The following PTN variants were observed in gnomAD, a reference collection of about 807,000 sequenced individuals.
PTN encodes the protein heparin affin regulatory protein.
PTN carries 18 observed loss-of-function variants against 24.1 expected under a neutral mutation model. The ratio of observed to expected loss-of-function variants is 0.75; its 90% confidence interval spans 0.52 to 1.11. The LOEUF is 1.11. Ranked by LOEUF, PTN falls within the 50% of genes least tolerant of loss-of-function variation. The pLI is 0.00. For missense variants in PTN, 163 were observed against 198.8 expected (o/e 0.82, Z 1.08); for synonymous variants, 78 against 68.6 (o/e 1.14, Z -0.67).
At chr7:137,229,005 G>A (rs1808383453) in intron 4 of PTN, among the ~76,000 whole-genome samples, 1 of 151,778 alleles carries the variant, frequency 6.6e-6, no homozygotes, top group African/African-American at 2.4e-5. Context: ...ACATCATTAA[G>A]TTACTGTGAG....
intron 4 of PTN, among the ~76,000 whole-genome samples, chr7:137,234,690 T>C (rs1308866810): frequency 6.6e-6 from 1 of 152,062 alleles, no homozygotes; most frequent in East Asian, 1.9e-4. Flanking sequence ...GGGGACATGT[T>C]TTTCAAGAAG....
At chr7:137,284,247 C>T (rs1809519630) in intron 1 of PTN, among the ~76,000 whole-genome samples, 1 of 151,896 alleles carries the variant, frequency 6.6e-6, no homozygotes, top group African/African-American at 2.4e-5. Flanking sequence ...TGAGCCACCG[C>T]GCCGGGCCGA....
intron 1 of PTN, among the ~76,000 whole-genome samples, chr7:137,337,829 GAT>G (rs1810474185): frequency 6.6e-6 from 1 of 152,186 alleles, no homozygotes; most frequent in South Asian, 2.1e-4. Context: ...AAGGCAAGGG[GAT>G]TAGGCATAGA....
chr7:137,339,900 G>A (rs1810508179), intron 1 of PTN, among the ~76,000 whole-genome samples: 1 of 152,114 alleles, frequency 6.6e-6, no homozygotes, highest in Non-Finnish European at 1.5e-5. Flanking sequence ...TTATGTTTTA[G>A]CTTTTGCTAA....
intron 4 of PTN, among the ~76,000 whole-genome samples, chr7:137,243,771 G>A (rs146141651): frequency 5.2e-4 from 79 of 152,248 alleles, no homozygotes; most frequent in African/African-American, 1.7e-3. Context: ...GACTGGTTTC[G>A]GAGGGTCACC....
At chr7:137,312,729 A>T (rs1007753206) in intron 1 of PTN, among the ~76,000 whole-genome samples, 2 of 152,232 alleles carry the variant, frequency 1.3e-5, no homozygotes, top group Non-Finnish European at 2.9e-5. Flanking sequence ...AAATAAAAAA[A>T]TTGAAAACTC....
At chr7:137,286,197 G>T (rs1176838399) in intron 1 of PTN, among the ~76,000 whole-genome samples, 1 of 152,152 alleles carries the variant, frequency 6.6e-6, no homozygotes, top group Non-Finnish European at 1.5e-5. Context: ...AATTAAGATA[G>T]ATAAAGTCAT....
chr7:137,254,486 G>A (rs1326655633), intron 2 of PTN, among the ~76,000 whole-genome samples: 1 of 151,650 alleles, frequency 6.6e-6, no homozygotes, highest in Admixed American at 6.6e-5. Flanking sequence ...TCTTCTCTGT[G>A]CTTGTTTCCT....
chr7:137,270,605 A>G (rs528148670), intron 1 of PTN, among the ~76,000 whole-genome samples: 5 of 152,364 alleles, frequency 3.3e-5, no homozygotes, highest in Middle Eastern at 3.4e-3. Context: ...AATTATTCAA[A>G]AACTTTGTAA....
intron 1 of PTN, among the ~76,000 whole-genome samples, chr7:137,285,687 A>G (rs1476992514): frequency 6.6e-6 from 1 of 152,202 alleles, no homozygotes; most frequent in Non-Finnish European, 1.5e-5. Flanking sequence ...AAAAAAATAA[A>G]GTAGTTGCTA....
chr7:137,239,326 T>C (rs998119254), intron 4 of PTN, among the ~76,000 whole-genome samples: 2 of 152,204 alleles, frequency 1.3e-5, no homozygotes, highest in Non-Finnish European at 2.9e-5. Context: ...GTCAGTATTC[T>C]TCCTTGAGTT....
intron 1 of PTN, among the ~76,000 whole-genome samples, chr7:137,271,688 AC>A (rs1165128142): frequency 6.6e-6 from 1 of 152,208 alleles, no homozygotes; most frequent in Non-Finnish European, 1.5e-5. Context: ...TTTGAGAATC[AC>A]AGAATTGTTT....
chr7:137,323,999 C>T (rs973351519), intron 1 of PTN, among the ~76,000 whole-genome samples: 8 of 151,684 alleles, frequency 5.3e-5, no homozygotes, highest in African/African-American at 9.7e-5. Context: ...GTAGGTCCCT[C>T]GTTTTACAAA....
chr7:137,333,730 C>T (rs555269594), intron 1 of PTN, among the ~76,000 whole-genome samples: 1 of 152,270 alleles, frequency 6.6e-6, no homozygotes, highest in Non-Finnish European at 1.5e-5. Flanking sequence ...GCCTGCATCG[C>T]CAAGTCAATT....
At chr7:137,255,004 T>C (rs765924126) in intron 1 of PTN, 30 bp from the exon 2 acceptor site, 3 of 1,466,434 alleles carry the variant, frequency 2.0e-6, no homozygotes, top group Admixed American at 1.7e-5. Flanking sequence ...GAGAAGAAGG[T>C]GGCATTAACC....
intron 1 of PTN, among the ~76,000 whole-genome samples, chr7:137,255,175 C>A (rs1462346934): frequency 6.6e-6 from 1 of 152,186 alleles, no homozygotes; most frequent in African/African-American, 2.4e-5. Flanking sequence ...CAATCAATCA[C>A]GTATTCACTG....
chr7:137,314,312 T>C (rs1190933306), intron 1 of PTN, among the ~76,000 whole-genome samples: 3 of 152,176 alleles, frequency 2.0e-5, no homozygotes, highest in Non-Finnish European at 4.4e-5. Context: ...CTTTTCTGCA[T>C]GTATTAACTT....
chr7:137,250,227 C>T (rs1258263701), intron 4 of PTN, among the ~76,000 whole-genome samples: 4 of 152,108 alleles, frequency 2.6e-5, no homozygotes, highest in Non-Finnish European at 5.9e-5. Context: ...GTGGCTTAAA[C>T]AACAGAAATT....
intron 1 of PTN, among the ~76,000 whole-genome samples, chr7:137,259,950 T>C (rs888139176): frequency 6.6e-6 from 1 of 152,012 alleles, no homozygotes; most frequent in African/African-American, 2.4e-5. Flanking sequence ...ATACCCTTCA[T>C]GTGATAAAAC....
Sources: allele counts gnomAD v4.1 joint callset (sites outside exome capture counted in the v4.1 genomes callset), GRCh38; gene constraint gnomAD v4.1.1; transcripts MANE v1.5; gene names NCBI Gene and HGNC (gene_info 2026-07-23, HGNC 2026-07-21).